ERBB4: variants seen among roughly 807,000 people sequenced by gnomAD.
ERBB4 encodes the protein receptor tyrosine-protein kinase erbB-4.
Under a neutral mutation model 158.0 loss-of-function variants are expected in ERBB4, and 42 were observed. The ratio of observed to expected loss-of-function variants is 0.27; its 90% CI spans 0.21 to 0.34. ERBB4 has a LOEUF of 0.34. Ranked by LOEUF, ERBB4 falls within the 10% of genes least tolerant of loss-of-function variation. ERBB4 has a pLI of 1.00. For synonymous variants in ERBB4, 583 were observed against 558.7 expected, an observed-to-expected ratio of 1.04 and a Z score of -0.61; for missense variants, 1,333 against 1,624.1, an observed-to-expected ratio of 0.82 and a Z score of 3.08.
intron 1 of ERBB4, among the ~76,000 whole-genome samples, chr2:212,277,812 G>A (rs2085600925): frequency 6.6e-6 from 1 of 151,688 alleles, no homozygotes; most frequent in African/African-American, 2.4e-5. Flanking sequence ...TACTTGCCAA[G>A]TGAATAGAAG....
chr2:211,602,526 AC>A (rs1269507395), intron 19 of ERBB4, among the ~76,000 whole-genome samples: 1 of 151,486 alleles, frequency 6.6e-6, no homozygotes, highest in East Asian at 2.0e-4. Flanking sequence ...CTTTTCTCCT[AC>A]CCCCTGGCCA....
chr2:212,373,904 CATGTATATATCCATAT>C (rs2106391878), intron 1 of ERBB4, among the ~76,000 whole-genome samples: 3 of 102,776 alleles, frequency 2.9e-5, no homozygotes, highest in South Asian at 6.3e-4. Flanking sequence ...TATATATATC[CATGTATATATCCATAT>C]ATATATATCC....
chr2:211,966,295 G>A (rs1389094374), intron 2 of ERBB4, among the ~76,000 whole-genome samples: 1 of 152,178 alleles, frequency 6.6e-6, no homozygotes, highest in Non-Finnish European at 1.5e-5. Context: ...AGGTTAGAGT[G>A]CAGTGGCACG....
chr2:212,192,024 A>ATATAT (rs1559707260), intron 1 of ERBB4, among the ~76,000 whole-genome samples: 13,184 of 38,316 alleles, frequency 0.34, 875 homozygotes, highest in South Asian at 0.5. Context: ...GTTATATGTT[A>ATATAT]TATATGTTAT....
chr2:212,390,009 A>G (rs1046336229), intron 1 of ERBB4, among the ~76,000 whole-genome samples: 4 of 151,896 alleles, frequency 2.6e-5, no homozygotes, highest in African/African-American at 9.7e-5. Context: ...ATGAAAAATG[A>G]ATGGTTCAGA....
chr2:211,438,349 G>A (rs945315108), intron 20 of ERBB4, among the ~76,000 whole-genome samples: 8 of 152,114 alleles, frequency 5.3e-5, no homozygotes, highest in Non-Finnish European at 7.4e-5. Context: ...AGTGAGAGTT[G>A]TGAATATGTT....
At chr2:211,526,462 C>T (rs985286120) in intron 20 of ERBB4, among the ~76,000 whole-genome samples, 3 of 152,070 alleles carry the variant, frequency 2.0e-5, no homozygotes, top group African/African-American at 7.2e-5. Flanking sequence ...GCTTAGATTA[C>T]AACAGTCATG....
chr2:212,119,058 A>G (rs897126349), intron 2 of ERBB4, among the ~76,000 whole-genome samples: 2 of 152,028 alleles, frequency 1.3e-5, no homozygotes, highest in African/African-American at 4.8e-5. Flanking sequence ...AGGTTTCTAG[A>G]CTACAGCATA....
Position 212,266,712 on chromosome 2 carries a change from A to G in ERBB4, c.83-141809T>C, listed in dbSNP as rs188491192. Among the ~76,000 whole-genome samples, 544 of 152,110 alleles carry G rather than the reference A, an allele frequency of 3.6e-3. 1 individual carries two copies. Among genetic ancestry groups the G allele is most frequent in the Middle Eastern group, 0.01 (3 of 294 alleles). On this transcript the variant is annotated intron_variant, in intron 1 of 27. Transcript: ENST00000342788. ...ATTATTAGTGGAATATTCTCAGACT[A>G]TTTCTTCAGGCTGACAAAATATTTC... is the stretch of plus-strand genomic sequence containing the variant.
At chr2:212,380,985 C>T (rs116742764) in intron 1 of ERBB4, among the ~76,000 whole-genome samples, 3,398 of 151,140 alleles carry the variant, frequency 0.022, 125 homozygotes, top group African/African-American at 0.077. Flanking sequence ...TTTCTTTTTT[C>T]GTTTTCATTG....
At chr2:212,031,596 T>C (rs1193858929) in intron 2 of ERBB4, among the ~76,000 whole-genome samples, 1 of 152,184 alleles carries the variant, frequency 6.6e-6, no homozygotes, top group Non-Finnish European at 1.5e-5. Flanking sequence ...GAGCAGTTGA[T>C]GATAGAATGA....
chr2:211,542,069 A>C (rs1271612149), intron 20 of ERBB4, among the ~76,000 whole-genome samples: 1 of 152,004 alleles, frequency 6.6e-6, no homozygotes, highest in Non-Finnish European at 1.5e-5. Flanking sequence ...TCTTTTTGGA[A>C]TATCACTTTC....
intron 1 of ERBB4, among the ~76,000 whole-genome samples, chr2:212,177,957 T>TAA (rs2081727840): frequency 1.0e-5 from 1 of 97,340 alleles, no homozygotes; most frequent in African/African-American, 4.3e-5. Context: ...TTTGTGAGTG[T>TAA]GAGTGTGTGT....
At chr2:212,144,807 G>A (rs1384078851) in intron 1 of ERBB4, among the ~76,000 whole-genome samples, 1 of 152,130 alleles carries the variant, frequency 6.6e-6, no homozygotes, top group African/African-American at 2.4e-5. Flanking sequence ...GTACATGTAA[G>A]CCTAGATTAG....
At chr2:211,628,710 G>T (rs748110928) in intron 17 of ERBB4, among the ~76,000 whole-genome samples, 12 of 152,180 alleles carry the variant, frequency 7.9e-5, no homozygotes, top group Non-Finnish European at 1.8e-4. Context: ...GGATCAAATG[G>T]TATTTCTAGT....
chr2:211,638,474 A>C (rs1455825654), intron 16 of ERBB4, among the ~76,000 whole-genome samples: 1 of 152,174 alleles, frequency 6.6e-6, no homozygotes, highest in Non-Finnish European at 1.5e-5. Flanking sequence ...AGCAAATGAA[A>C]GTGATCTTAC....
At chr2:212,152,191 T>G (rs1391654772) in intron 1 of ERBB4, among the ~76,000 whole-genome samples, 1 of 152,170 alleles carries the variant, frequency 6.6e-6, no homozygotes, top group Admixed American at 6.6e-5. Flanking sequence ...GAATCAGAGT[T>G]CCTGTGGTCA....
chr2:211,561,689 A>G (rs2067396780), intron 20 of ERBB4: 1 of 555,130 alleles, frequency 1.8e-6, no homozygotes, highest in Admixed American at 2.9e-5. Flanking sequence ...TCAATTCAAT[A>G]AAAATGATAC....
chr2:211,800,256 TATA>T (rs1396094371), intron 3 of ERBB4, among the ~76,000 whole-genome samples: 1 of 152,164 alleles, frequency 6.6e-6, no homozygotes, highest in Non-Finnish European at 1.5e-5. Context: ...TGTGAATACT[TATA>T]ATGCAGTATT....
Sources: allele counts gnomAD v4.1 joint callset (sites outside exome capture counted in the v4.1 genomes callset), GRCh38; gene constraint gnomAD v4.1.1; transcripts MANE v1.5; gene names NCBI Gene and HGNC (gene_info 2026-07-23, HGNC 2026-07-21).